MPHOSPH9: variants seen among roughly 807,000 people sequenced by gnomAD.
MPHOSPH9 encodes M-phase phosphoprotein 9.
In MPHOSPH9, 88 loss-of-function variants were observed where a neutral mutation model predicts 145.5. That is an observed-to-expected ratio of 0.60 (90% CI 0.51 to 0.72). The LOEUF (loss-of-function observed/expected upper bound fraction) is 0.72. Among genes scored for constraint, MPHOSPH9 ranks in the 30% least tolerant of loss-of-function variants. The pLI is 0.00. For missense variants in MPHOSPH9, 1,238 were observed against 1,386.6 expected (o/e 0.89, Z 1.70); for synonymous variants, 435 against 486.2 (o/e 0.89, Z 1.39).
chr12:123,207,405 A>G (rs2046483076), intron 8 of MPHOSPH9, among the ~76,000 whole-genome samples: 1 of 152,110 alleles, frequency 6.6e-6, no homozygotes, highest in Admixed American at 6.6e-5. Context: ...CCTTTCATGA[A>G]GTACGGAACA....
At chr12:123,222,889 T>C (rs1022756746) in intron 4 of MPHOSPH9, 149 bp downstream of exon 4, 1 of 473,460 alleles carries the variant, frequency 2.1e-6, no homozygotes, top group Non-Finnish European at 3.6e-6. Context: ...TGAGCTGAGA[T>C]CAAGCCACTG....
intron 5 of MPHOSPH9, among the ~76,000 whole-genome samples, chr12:123,220,099 C>G (rs1565968314): frequency 1.3e-5 from 2 of 151,584 alleles, no homozygotes; most frequent in East Asian, 3.9e-4. Flanking sequence ...GAGGCTGAGG[C>G]AGGAGAATCA....
At chr12:123,211,995 G>A (rs191354769) in intron 7 of MPHOSPH9, among the ~76,000 whole-genome samples, 9 of 152,200 alleles carry the variant, frequency 5.9e-5, no homozygotes, top group African/African-American at 1.9e-4. Context: ...ACGCCCAGCT[G>A]ACAATTTCTT....
Position 123,175,220 on chromosome 12 carries a change from G to A in MPHOSPH9, c.2456+1468C>T, listed in dbSNP as rs1217447597. ...GGCTGGAGTGCAGTGGCGCAATCTC[G>A]ACTCACTGCAAGCTCCGCCTCCCGG... On this transcript the variant is annotated intron_variant, in intron 16 of 23. Coordinates refer to ENST00000606320, the MANE Select transcript of MPHOSPH9 (RefSeq NM_022782.4). 1.3e-5 allele frequency among the ~76,000 whole-genome samples: 2 copies of A among 150,710 alleles called. 1 individual carries two copies. Among genetic ancestry groups the A allele is most frequent in the Non-Finnish European group, 2.9e-5 (2 of 67,860 alleles).
chr12:123,194,379 T>C lies in MPHOSPH9; in HGVS notation c.2241+7A>G. 5.2e-6 allele frequency: 8 copies of C among 1,550,322 alleles called. No homozygotes were observed. The highest frequency in any genetic ancestry group is 7.0e-6 in the Non-Finnish European group (8 of 1,138,094). On this transcript the variant is annotated splice_region_variant and intron_variant, in intron 13 of 23. Transcript: ENST00000606320. ...ACGTCATTAAGTTACTATTATTCGC[T>C]ACTTACATCTTGAAACATTTTGTTC... is the stretch of plus-strand genomic sequence containing the variant.
At chr12:123,205,381 A>G (rs576821353) in intron 8 of MPHOSPH9, among the ~76,000 whole-genome samples, 1 of 152,274 alleles carries the variant, frequency 6.6e-6, no homozygotes, top group Non-Finnish European at 1.5e-5. Context: ...CCCCATCTCT[A>G]CTAAAAACAC....
intron 14 of MPHOSPH9, among the ~76,000 whole-genome samples, chr12:123,180,884 G>A (rs1179921821): frequency 1.3e-5 from 2 of 152,118 alleles, no homozygotes; most frequent in East Asian, 3.8e-4. Context: ...ATAATAATTT[G>A]CATCTGTATG....
chr12:123,231,056 T>C (rs1305906137), intron 1 of MPHOSPH9, among the ~76,000 whole-genome samples: 1 of 152,240 alleles, frequency 6.6e-6, no homozygotes, highest in Non-Finnish European at 1.5e-5. Flanking sequence ...ATGTGAATTA[T>C]GTATCTCAAT....
chr12:123,184,984 A>G (rs2045374482), intron 13 of MPHOSPH9, among the ~76,000 whole-genome samples: 1 of 152,018 alleles, frequency 6.6e-6, no homozygotes, highest in Non-Finnish European at 1.5e-5. Context: ...TTGTAGTTTT[A>G]GTAGAGACAG....
At chr12:123,153,088 C>T (rs2043806490), downstream of MPHOSPH9, 1 of 140,982 alleles carries the variant, frequency 7.1e-6, no homozygotes, top group Non-Finnish European at 1.5e-5. Context: ...CCTACATCTC[C>T]TAACACCCAC....
At position 123,194,497 on chromosome 12, in the gene MPHOSPH9, G is replaced by A. The variant is rs374583306; in HGVS notation, c.2130C>T (p.Ile710=). Residue 710 remains isoleucine (I), a synonymous_variant, in exon 13 of 24, where the codon ATC becomes ATT. Transcript: ENST00000606320. ...RTSSKEKDNT[I]IRLKSRLQDL... Reference sequence around the variant, plus strand: ...CTTGCAGTCTAGATTTTAGTCGAATGATGGTATTGTCTTTTTCTTTACTGC... The same window carrying A: ...CTTGCAGTCTAGATTTTAGTCGAATAATGGTATTGTCTTTTTCTTTACTGC... 29 of 1,611,968 alleles carry A rather than the reference G, an allele frequency of 1.8e-5. No homozygotes were observed. Among genetic ancestry groups the A allele is most frequent in the Non-Finnish European group, 2.0e-5 (24 of 1,179,276 alleles).
intron 17 of MPHOSPH9, among the ~76,000 whole-genome samples, chr12:123,165,977 T>C (rs1314699045): frequency 1.3e-5 from 2 of 152,232 alleles, no homozygotes; most frequent in Non-Finnish European, 2.9e-5. Context: ...CATACAGTGC[T>C]TTCCCATCCT....
intron 12 of MPHOSPH9, among the ~76,000 whole-genome samples, chr12:123,197,142 AG>A (rs1385017226): frequency 6.7e-6 from 1 of 148,416 alleles, no homozygotes; most frequent in Non-Finnish European, 1.5e-5. Context: ...ACACTTTAAA[AG>A]GGTAAGTTTT....
At chr12:123,185,699 T>C (rs1158429725) in intron 13 of MPHOSPH9, among the ~76,000 whole-genome samples, 2 of 152,258 alleles carry the variant, frequency 1.3e-5, no homozygotes, top group Non-Finnish European at 2.9e-5. Context: ...GAGCTATGAA[T>C]ATGCCTACTG....
At chr12:123,232,101 T>C (rs530887158) in intron 1 of MPHOSPH9, among the ~76,000 whole-genome samples, 10 of 151,644 alleles carry the variant, frequency 6.6e-5, no homozygotes, top group Admixed American at 1.3e-4. Flanking sequence ...AAATGGGGCA[T>C]TGAAACAGTC....
At chr12:123,199,818 A>G (rs964592205) in intron 11 of MPHOSPH9, among the ~76,000 whole-genome samples, 1 of 151,986 alleles carries the variant, frequency 6.6e-6, no homozygotes, top group African/African-American at 2.4e-5. Context: ...GAAAGAAAAA[A>G]AGATTATCAT....
chr12:123,175,062 A>G (rs1430506849), intron 16 of MPHOSPH9, among the ~76,000 whole-genome samples: 1 of 152,082 alleles, frequency 6.6e-6, no homozygotes, highest in Non-Finnish European at 1.5e-5. Flanking sequence ...CCATCTTCTC[A>G]TGGCAGGTAC....
intron 12 of MPHOSPH9, among the ~76,000 whole-genome samples, chr12:123,196,370 C>CA (rs1417766532): frequency 6.6e-6 from 1 of 152,056 alleles, no homozygotes; most frequent in East Asian, 1.9e-4. Flanking sequence ...ACAAAATAGA[C>CA]AGTTTCCACC....
intron 12 of MPHOSPH9, 54 bp downstream of exon 12, chr12:123,198,193 C>A: frequency 7.6e-7 from 1 of 1,314,818 alleles, no homozygotes; most frequent in South Asian, 1.3e-5. Flanking sequence ...CTGATGTTAT[C>A]ACGAAATAAT....
Sources: allele counts gnomAD v4.1 joint callset (sites outside exome capture counted in the v4.1 genomes callset), GRCh38; gene constraint gnomAD v4.1.1; transcripts MANE v1.5; gene names NCBI Gene and HGNC (gene_info 2026-07-23, HGNC 2026-07-21).